Variants in RASSF6 observed in about 807,000 individuals in gnomAD.
The protein encoded by RASSF6 is Ras association domain family member 6.
In RASSF6, 52 loss-of-function variants were observed where a neutral mutation model predicts 44.0. The ratio of observed to expected loss-of-function variants is 1.18; its 90% CI spans 0.95 to 1.49. The LOEUF (loss-of-function observed/expected upper bound fraction) is 1.49. Ranked by LOEUF, RASSF6 falls within the 40% of genes most tolerant of loss-of-function variation. RASSF6 has a pLI of 0.00. For missense variants in RASSF6, 464 were observed against 393.3 expected, an observed-to-expected ratio of 1.18 and a Z score of -1.52; for synonymous variants, 162 against 124.6, an observed-to-expected ratio of 1.30 and a Z score of -2.00.
chr4:73,575,994 G>A lies in RASSF6; in HGVS notation c.*241C>T, dbSNP rs1723182003. 1 of 342,976 alleles carries A rather than the reference G, an allele frequency of 2.9e-6. No individual in the cohort carries two copies. The highest frequency in any genetic ancestry group is 5.3e-6 in the Non-Finnish European group (1 of 190,196). 21.2% of individuals were successfully genotyped at this position (342,976 alleles called of 1,614,324 possible). ...ACATGGTTTACTATAAAAGCTATTT[G>A]GCATATGCAGTATTCAAGCTTATTT... is the stretch of plus-strand genomic sequence containing the variant. On this transcript the variant is annotated 3_prime_UTR_variant, in exon 11 of 11. Transcript: ENST00000307439.
intron 1 of RASSF6, among the ~76,000 whole-genome samples, chr4:73,618,484 A>T (rs1198995770): frequency 6.6e-6 from 1 of 152,170 alleles, no homozygotes; most frequent in Non-Finnish European, 1.5e-5. Context: ...ACTTTGTTTA[A>T]GGATGTATAA....
chr4:73,602,432 A>G (rs1725333155), intron 2 of RASSF6, among the ~76,000 whole-genome samples: 1 of 152,250 alleles, frequency 6.6e-6, no homozygotes, highest in Admixed American at 6.5e-5. Context: ...AAAGTCCAGA[A>G]GGGACCTATA....
intron 1 of RASSF6, among the ~76,000 whole-genome samples, chr4:73,616,444 C>T (rs988857467): frequency 6.6e-6 from 1 of 151,982 alleles, no homozygotes; most frequent in South Asian, 2.1e-4. Context: ...AGAATTATTG[C>T]TATTTCATTT....
chr4:73,581,104 G>A (rs1411825693), intron 8 of RASSF6, among the ~76,000 whole-genome samples: 1 of 74,524 alleles, frequency 1.3e-5, no homozygotes, highest in Non-Finnish European at 3.3e-5. Flanking sequence ...ATTTTCTTAA[G>A]GTGTTCTGGC....
intron 2 of RASSF6, among the ~76,000 whole-genome samples, chr4:73,605,256 T>C (rs1045676228): frequency 1.3e-5 from 2 of 152,202 alleles, no homozygotes; most frequent in East Asian, 1.9e-4. Flanking sequence ...AAATGTAATA[T>C]ACACTCTTGT....
chr4:73,609,356 G>A (rs1159793207), intron 2 of RASSF6, among the ~76,000 whole-genome samples: 2 of 152,076 alleles, frequency 1.3e-5, no homozygotes, highest in African/African-American at 4.8e-5. Context: ...GTGCAATGAT[G>A]ACTCCAGGCA....
At position 73,576,801 on chromosome 4, in the gene RASSF6, C is replaced by T. The variant is rs1254986940; in HGVS notation, c.722-70G>A. 13 of 1,005,130 alleles carry T rather than the reference C, an allele frequency of 1.3e-5. No homozygotes were observed. In the South Asian group the frequency reaches 2.0e-4, roughly 15 times the overall value. 62.3% of individuals were successfully genotyped at this position (1,005,130 alleles called of 1,614,324 possible). A position where few individuals can be genotyped will look rare whatever the true frequency, so the allele number is the denominator to read the frequency against. On this transcript the variant is annotated intron_variant, in intron 8 of 10. Transcript: ENST00000307439. ...CAGGAAAAGAAGGAAGATAATTTTC[C>T]AATTTATTTTTCGTATTTAACTCAC...
rs1560435901 is a variant in RASSF6, at chr4:73,576,319, GAGA to G, written c.939-12_939-10del. 8 of 1,524,894 alleles carry G rather than the reference GAGA, an allele frequency of 5.2e-6. No homozygotes were observed. Among genetic ancestry groups the G allele is most frequent in the Admixed American group, 3.5e-5 (2 of 56,886 alleles). The allele number at this position is 1,524,894 out of a possible 1,614,324, so 94.5% of individuals were successfully genotyped here. A position where few individuals can be genotyped will look rare whatever the true frequency, so the allele number is the denominator to read the frequency against. ...CCTTTTCTTTATTGAATCTGAAAATGAGAAGAAGAAAGACTATTAAAAATTGGA... is the reference window on the plus strand; with the variant it reads ...CCTTTTCTTTATTGAATCTGAAAATGAGAAGAAAGACTATTAAAAATTGGA... On this transcript the variant is annotated splice_polypyrimidine_tract_variant and intron_variant, in intron 10 of 10. Coordinates refer to ENST00000307439, the MANE Select transcript of RASSF6 (RefSeq NM_177532.5).
At chr4:73,619,529 A>G (rs1463340114) in intron 1 of RASSF6, among the ~76,000 whole-genome samples, 1 of 152,176 alleles carries the variant, frequency 6.6e-6, no homozygotes, top group Non-Finnish European at 1.5e-5. Context: ...AGTAGGTATC[A>G]CTTACAGAAC....
Position 73,593,496 on chromosome 4 carries a change from G to A in RASSF6, c.242C>T (p.Ser81Phe), listed in dbSNP as rs762305384. The A allele has an allele frequency of 8.7e-6, 14 of 1,613,640 alleles. No homozygotes were observed. In the Admixed American group the frequency reaches 2.3e-4, roughly 27 times the overall value. Residue 81 changes from serine (S) to phenylalanine (F), a missense_variant, in exon 4 of 11, where the codon TCT becomes TTT. By Grantham distance (155) the Ser-to-Phe change is radical (BLOSUM62 -2). Transcript: ENST00000307439. ...QLKIQDEKPF[S>F]SFTSMKSSDV... is the part of the protein sequence containing the mutation. ...TGATGACTTCATACTAGTAAAAGAA[G>A]AGAATGGCTTCTCATCTTGTATTTT...
intron 5 of RASSF6, among the ~76,000 whole-genome samples, chr4:73,586,125 G>A (rs1724069909): frequency 6.6e-6 from 1 of 151,026 alleles, no homozygotes; most frequent in Non-Finnish European, 1.5e-5. Context: ...GAAAGATTTT[G>A]TTCCCATCTT....
Position 73,571,564 on chromosome 4 carries a change from G to A in RASSF6, c.*4671C>T, listed in dbSNP as rs1722922826. On this transcript the variant is annotated 3_prime_UTR_variant, in exon 11 of 11. Transcript: ENST00000307439. ...GGAAAAACATATATATATATATAAT[G>A]TTTAATATTTTTTCAGCTATGGGAC... 2.0e-5 allele frequency: 3 copies of A among 151,494 alleles called. No homozygotes were observed. Among genetic ancestry groups the A allele is most frequent in the Non-Finnish European group, 4.4e-5 (3 of 67,942 alleles). The allele number at this position is 151,494 out of a possible 1,614,324, so 9.4% of individuals were successfully genotyped here.
chr4:73,594,676 T>A (rs759807627), intron 3 of RASSF6, among the ~76,000 whole-genome samples: 20 of 152,246 alleles, frequency 1.3e-4, no homozygotes, highest in Non-Finnish European at 2.1e-4. Context: ...TCTTCCACTT[T>A]TGACTTTACA....
chr4:73,583,672 G>T (rs1362471166), intron 6 of RASSF6, among the ~76,000 whole-genome samples: 2 of 151,992 alleles, frequency 1.3e-5, no homozygotes, highest in Admixed American at 6.6e-5. Flanking sequence ...TTATTAAATT[G>T]CAGTGAATGA....
chr4:73,591,805 T>C (rs1724581194), intron 4 of RASSF6, among the ~76,000 whole-genome samples: 1 of 152,148 alleles, frequency 6.6e-6, no homozygotes. Flanking sequence ...TTTTGCTCTA[T>C]ACTATGGTTT....
intron 2 of RASSF6, among the ~76,000 whole-genome samples, chr4:73,606,810 C>G (rs549799803): frequency 6.6e-6 from 1 of 152,090 alleles, no homozygotes; most frequent in Non-Finnish European, 1.5e-5. Context: ...CACTCTGATG[C>G]CCCTTGCTCC....
chr4:73,580,363 T>A (rs1723536310), intron 8 of RASSF6, among the ~76,000 whole-genome samples: 1 of 149,174 alleles, frequency 6.7e-6, no homozygotes. Context: ...AGCAGCATGA[T>A]TTATAGTCCT....
chr4:73,589,565 A>G (rs186536625), intron 4 of RASSF6, among the ~76,000 whole-genome samples: 1 of 152,228 alleles, frequency 6.6e-6, no homozygotes, highest in Non-Finnish European at 1.5e-5. Flanking sequence ...AAGTCATCCA[A>G]TATATTCTGT....
At position 73,571,658 on chromosome 4, in the gene RASSF6, C is replaced by T. The variant is rs952571389; in HGVS notation, c.*4577G>A. 2 of 151,992 alleles carry T rather than the reference C, an allele frequency of 1.3e-5. No individual in the cohort carries two copies. Among genetic ancestry groups the T allele is most frequent in the Non-Finnish European group, 2.9e-5 (2 of 67,986 alleles). 9.4% of individuals were successfully genotyped at this position (151,992 alleles called of 1,614,324 possible). On this transcript the variant is annotated 3_prime_UTR_variant, in exon 11 of 11. Transcript: ENST00000307439. ...AAATATTTCAGATAATTCCTTCACT[C>T]ATTCATTTATTCTTTCATTCACTTA... is the stretch of plus-strand genomic sequence containing the variant.
Sources: gnomAD v4.1 joint callset for allele counts (sites outside exome capture counted in the v4.1 genomes callset) on GRCh38, gnomAD v4.1.1 for gene constraint, MANE v1.5 for transcripts, NCBI Gene and HGNC (gene_info 2026-07-23, HGNC 2026-07-21) for gene names.